The following CDH8 variants were observed in gnomAD, a reference collection of about 807,000 sequenced individuals.
CDH8 encodes cadherin-8.
CDH8 carries 17 observed loss-of-function variants against 68.1 expected under a neutral mutation model. That is an observed-to-expected ratio of 0.25 (90% CI 0.17 to 0.37). CDH8 has a LOEUF of 0.37. Among genes scored for constraint, CDH8 ranks in the 10% least tolerant of loss-of-function variants. The pLI, the probability that CDH8 is intolerant of heterozygous loss-of-function variation, is 1.00. For synonymous variants in CDH8, 372 were observed against 365.1 expected (o/e 1.02, Z -0.21); for missense variants, 763 against 999.3 (o/e 0.76, Z 3.19).
chr16:62,023,908 T>C (rs948210738), intron 1 of CDH8, among the ~76,000 whole-genome samples: 3 of 152,174 alleles, frequency 2.0e-5, no homozygotes. Context: ...ATAAGTTTTG[T>C]TTGTTTATTT....
At chr16:61,935,689 G>A (rs1964616681) in intron 2 of CDH8, among the ~76,000 whole-genome samples, 1 of 152,008 alleles carries the variant, frequency 6.6e-6, no homozygotes, top group African/African-American at 2.4e-5. Context: ...TCTAGTGTAT[G>A]CCAGACATTT....
At chr16:61,745,962 A>G (rs1242042555) in intron 8 of CDH8, among the ~76,000 whole-genome samples, 3 of 152,044 alleles carry the variant, frequency 2.0e-5, no homozygotes, top group Non-Finnish European at 4.4e-5. Flanking sequence ...TTCTCCCAGG[A>G]AGATATGTTT....
chr16:61,775,156 G>C (rs966409820), intron 8 of CDH8, among the ~76,000 whole-genome samples: 1 of 152,128 alleles, frequency 6.6e-6, no homozygotes, highest in Non-Finnish European at 1.5e-5. Context: ...TTGAGGCCAG[G>C]AGTTAGAGAC....
At chr16:62,004,652 T>G (rs1454690792) in intron 2 of CDH8, among the ~76,000 whole-genome samples, 1 of 152,258 alleles carries the variant, frequency 6.6e-6, no homozygotes, top group Admixed American at 6.5e-5. Flanking sequence ...TGTGAATTTG[T>G]ATACCTCCTG....
intron 2 of CDH8, among the ~76,000 whole-genome samples, chr16:61,904,636 T>G (rs1256805107): frequency 1.3e-5 from 2 of 152,264 alleles, no homozygotes; most frequent in African/African-American, 4.8e-5. Flanking sequence ...TTTCAACTTA[T>G]TGATACATTT....
In CDH8 at chr16:61,648,684, G is replaced by A. The variant is rs1231246249; in HGVS notation, c.*4924C>T. 1 of 151,892 alleles carries A rather than the reference G, an allele frequency of 6.6e-6. No individual in the cohort carries two copies. The highest frequency in any genetic ancestry group is 1.5e-5 in the Non-Finnish European group (1 of 67,888). 9.4% of individuals were successfully genotyped at this position (151,892 alleles called of 1,614,324 possible). On this transcript the variant is annotated 3_prime_UTR_variant, in exon 12 of 12. Transcript: ENST00000577390. ...TTTTATAAATAAAGAAAATAAGTTT[G>A]AGAATGCTACTGTATTTAATCTTTC... is the stretch of plus-strand genomic sequence containing the variant.
intron 4 of CDH8, among the ~76,000 whole-genome samples, chr16:61,853,971 CATAT>C (rs143517212): frequency 0.021 from 3,217 of 151,652 alleles, 120 homozygotes; most frequent in African/African-American, 0.073. Flanking sequence ...TATACATGTA[CATAT>C]ATGTATGTAT....
intron 4 of CDH8, 135 bp from the exon 5 acceptor site, chr16:61,825,314 C>T (rs750704012): frequency 7.8e-6 from 5 of 639,136 alleles, no homozygotes; most frequent in Non-Finnish European, 1.3e-5. Context: ...GTTCTTCTGA[C>T]ATTTGATTGG....
At chr16:61,814,077 A>G (rs1254731039) in intron 7 of CDH8, among the ~76,000 whole-genome samples, 1 of 152,168 alleles carries the variant, frequency 6.6e-6, no homozygotes, top group East Asian at 1.9e-4. Context: ...TGGTAACCCT[A>G]CTAGCTACCA....
rs533185989 is a variant in CDH8 at position 61,878,511 on chromosome 16, A to C, written c.548-21273T>G. On this transcript the variant is annotated intron_variant, in intron 3 of 11. Transcript: ENST00000577390. ...ATAAGACTCTCAAGACAGTTAGTAAAAGCAAAACAAAACAAAAACTTCCTC... is the reference window on the plus strand; with the variant it reads ...ATAAGACTCTCAAGACAGTTAGTAACAGCAAAACAAAACAAAAACTTCCTC... Among the ~76,000 whole-genome samples, 36 of 152,288 alleles carry C rather than the reference A, an allele frequency of 2.4e-4. 1 individual carries two copies. In the South Asian group the frequency reaches 7.5e-3, roughly 32 times the overall value.
chr16:61,687,551 A>G (rs1201638918), intron 10 of CDH8, among the ~76,000 whole-genome samples: 2 of 152,016 alleles, frequency 1.3e-5, no homozygotes, highest in African/African-American at 4.8e-5. Flanking sequence ...GGATGCTATC[A>G]ATTTAAATAT....
chr16:61,747,901 G>A (rs141303112), intron 8 of CDH8, among the ~76,000 whole-genome samples: 308 of 152,112 alleles, frequency 2.0e-3, no homozygotes, highest in African/African-American at 6.9e-3. Flanking sequence ...TGACATCGCC[G>A]GGGCAGGGCT....
intron 1 of CDH8, among the ~76,000 whole-genome samples, chr16:62,025,170 G>C (rs780997230): frequency 6.6e-6 from 1 of 152,134 alleles, no homozygotes; most frequent in Non-Finnish European, 1.5e-5. Flanking sequence ...GAACATTTCA[G>C]TCAACCAATG....
chr16:61,909,277 T>C (rs1964120104), intron 2 of CDH8, among the ~76,000 whole-genome samples: 1 of 152,122 alleles, frequency 6.6e-6, no homozygotes, highest in Non-Finnish European at 1.5e-5. Flanking sequence ...CCAAATGAAC[T>C]GCTGTTTTTG....
At chr16:61,881,890 T>C (rs2143133181) in intron 3 of CDH8, among the ~76,000 whole-genome samples, 1 of 152,326 alleles carries the variant, frequency 6.6e-6, no homozygotes, top group East Asian at 1.9e-4. Flanking sequence ...AGCACATTTC[T>C]ATATTCTCTA....
intron 3 of CDH8, among the ~76,000 whole-genome samples, chr16:61,889,277 A>G (rs1963733186): frequency 6.6e-6 from 1 of 152,214 alleles, no homozygotes; most frequent in Non-Finnish European, 1.5e-5. Context: ...CATTAAATTC[A>G]TAAATCTATG....
At chr16:61,831,655 C>T (rs1478490603) in intron 4 of CDH8, among the ~76,000 whole-genome samples, 2 of 151,696 alleles carry the variant, frequency 1.3e-5, no homozygotes, top group African/African-American at 4.8e-5. Flanking sequence ...GTATCCGTCA[C>T]GAAGATTTCT....
rs566563034 is a variant in CDH8 at position 62,003,047 on chromosome 16, G to A, written c.252+18105C>T. 9.9e-5 allele frequency among the ~76,000 whole-genome samples: 15 copies of A among 151,460 alleles called. No individual in the cohort carries two copies. The East Asian group carries it at 2.5e-3, about 26-fold the overall frequency. On this transcript the variant is annotated intron_variant, in intron 2 of 11. Coordinates refer to ENST00000577390, the MANE Select transcript of CDH8 (RefSeq NM_001796.5). ...AGCCTGGGCGACAGAGCCAGACTCC[G>A]TTTCAAAAAAAAAAATCAGAAATGT...
intron 7 of CDH8, among the ~76,000 whole-genome samples, chr16:61,803,321 A>G (rs1470819503): frequency 2.2e-5 from 3 of 135,004 alleles, no homozygotes; most frequent in Admixed American, 2.2e-4. Flanking sequence ...AGGAAGCGCT[A>G]AACATGGAAA....
Sources: allele counts gnomAD v4.1 joint callset (sites outside exome capture counted in the v4.1 genomes callset), GRCh38; gene constraint gnomAD v4.1.1; transcripts MANE v1.5; gene names NCBI Gene and HGNC (gene_info 2026-07-23, HGNC 2026-07-21).